The following GABRG3 variants were observed in gnomAD, a reference collection of about 807,000 sequenced individuals.
The protein encoded by GABRG3 is gamma-aminobutyric acid receptor subunit gamma-3.
In GABRG3, 25 loss-of-function variants were observed where a neutral mutation model predicts 48.8. The ratio of observed to expected loss-of-function variants is 0.51; its 90% CI spans 0.37 to 0.72. The LOEUF (loss-of-function observed/expected upper bound fraction) is 0.72. Ranked by LOEUF, GABRG3 falls within the 30% of genes least tolerant of loss-of-function variation. GABRG3 has a pLI of 0.00. For missense variants in GABRG3, 394 were observed against 577.9 expected (o/e 0.68, Z 3.26); for synonymous variants, 227 against 217.6 (o/e 1.04, Z -0.38).
chr15:27,392,452 G>A (rs544213474), intron 5 of GABRG3, among the ~76,000 whole-genome samples: 10 of 152,258 alleles, frequency 6.6e-5, no homozygotes, highest in East Asian at 1.9e-4. Context: ...GGGGTTATGC[G>A]TTTTTGAGAG....
rs944236893 is a variant in GABRG3 at position 27,375,717 on chromosome 15, A to G, written c.574+46829A>G. ...TGTGAGACTTATTCATGAGAACAGC[A>G]TGGGAAAGATCTGCCCCCATGATTC... On this transcript the variant is annotated intron_variant, in intron 5 of 9. Coordinates refer to ENST00000615808, the MANE Select transcript of GABRG3 (RefSeq NM_033223.5). Among the ~76,000 whole-genome samples, 3 of 152,158 alleles carry G rather than the reference A, an allele frequency of 2.0e-5. No individual in the cohort carries two copies. The East Asian group carries it at 5.8e-4, about 29-fold the overall frequency.
intron 3 of GABRG3, among the ~76,000 whole-genome samples, chr15:27,239,381 A>G (rs573051132): frequency 1.9e-4 from 29 of 152,278 alleles, no homozygotes; most frequent in Admixed American, 1.6e-3. Context: ...TAGTGATTCT[A>G]TTTTGATTCT....
At chr15:27,512,917 CAAAG>C (rs553667677) in intron 6 of GABRG3, among the ~76,000 whole-genome samples, 7 of 152,068 alleles carry the variant, frequency 4.6e-5, no homozygotes, top group Admixed American at 1.3e-4. Context: ...GCAGAGATTC[CAAAG>C]AAAGACAAAA....
chr15:27,185,650 GC>G (rs1452281093), intron 3 of GABRG3, among the ~76,000 whole-genome samples: 2 of 152,044 alleles, frequency 1.3e-5, no homozygotes, highest in African/African-American at 4.8e-5. Context: ...CTCAATGATA[GC>G]TATAAATTTG....
Position 27,520,343 on chromosome 15 carries a change from T to G in GABRG3, c.865+219T>G, listed in dbSNP as rs138711497. The stretch of plus-strand genomic sequence containing the variant: ...ACTTAAATCAAGACGGCGTAGGAGA[T>G]TCACAGTAAATCCATTGTGATAGTA... On this transcript the variant is annotated intron_variant, in intron 7 of 9. Transcript: ENST00000615808. Among the ~76,000 whole-genome samples the G allele has an allele frequency of 5.5e-3, 837 of 152,104 alleles. 9 individuals carry two copies. Among genetic ancestry groups the G allele is most frequent in the African/African-American group, 0.019 (802 of 41,490 alleles).
intron 3 of GABRG3, among the ~76,000 whole-genome samples, chr15:27,114,254 G>C (rs1897604326): frequency 6.6e-6 from 1 of 152,168 alleles, no homozygotes; most frequent in Non-Finnish European, 1.5e-5. Context: ...CTGCTTTCCA[G>C]ATCCCCTGGG....
At chr15:27,147,846 G>T (rs1898237999) in intron 3 of GABRG3, among the ~76,000 whole-genome samples, 1 of 151,862 alleles carries the variant, frequency 6.6e-6, no homozygotes, top group African/African-American at 2.4e-5. Context: ...ATAGATAGCT[G>T]CAGTTGACTA....
intron 3 of GABRG3, among the ~76,000 whole-genome samples, chr15:27,072,170 C>T (rs761389453): frequency 6.3e-4 from 96 of 152,182 alleles, no homozygotes; most frequent in Non-Finnish European, 1.0e-3. Flanking sequence ...TGCCAGCTCT[C>T]CTTGTGAGTC....
At position 27,539,830 on chromosome 15, in the gene GABRG3, A is replaced by T. The variant is rs1472378547; in HGVS notation, c.*6949A>T. 6.6e-6 allele frequency: 1 copy of T among 152,228 alleles called. No individual in the cohort carries two copies. The highest frequency in any genetic ancestry group is 1.9e-4 in the East Asian group (1 of 5,186). 9.4% of individuals were successfully genotyped at this position (152,228 alleles called of 1,614,324 possible). A position where few individuals can be genotyped will look rare whatever the true frequency, so the allele number is the denominator to read the frequency against. The stretch of plus-strand genomic sequence containing the variant: ...AAAAAAGAAAAAATGTTGCATTCTT[A>T]AGCAATTAAAGACTCCTTCCAATGT... On this transcript the variant is annotated 3_prime_UTR_variant, in exon 10 of 10. Coordinates refer to ENST00000615808, the MANE Select transcript of GABRG3 (RefSeq NM_033223.5).
In GABRG3 at chr15:27,012,647, C is replaced by G. The variant is rs908569097; in HGVS notation, c.203-14107C>G. ...AGTGAATCACCATATCCAAGGTAGA[C>G]TCTTCTTTCCCACACCATAGTCAAT... On this transcript the variant is annotated intron_variant, in intron 2 of 9. Coordinates refer to ENST00000615808, the MANE Select transcript of GABRG3 (RefSeq NM_033223.5). 3.9e-5 allele frequency among the ~76,000 whole-genome samples: 6 copies of G among 152,168 alleles called. No homozygotes were observed. The East Asian group carries it at 9.6e-4, about 24-fold the overall frequency.
chr15:27,072,243 A>G (rs1241920082), intron 3 of GABRG3, among the ~76,000 whole-genome samples: 1 of 152,166 alleles, frequency 6.6e-6, no homozygotes. Flanking sequence ...CATATTACGA[A>G]TGGAATTTCT....
At chr15:27,129,599 G>A (rs1036514529) in intron 3 of GABRG3, among the ~76,000 whole-genome samples, 2 of 152,082 alleles carry the variant, frequency 1.3e-5, no homozygotes, top group Admixed American at 6.6e-5. Flanking sequence ...ATATTTTTCT[G>A]AGGAACTCCC....
intron 3 of GABRG3, among the ~76,000 whole-genome samples, chr15:27,096,293 C>T (rs1472771837): frequency 2.0e-5 from 3 of 152,194 alleles, no homozygotes; most frequent in Non-Finnish European, 4.4e-5. Flanking sequence ...AAGTCTCTGC[C>T]CTTCAGGAGC....
intron 3 of GABRG3, among the ~76,000 whole-genome samples, chr15:27,160,602 C>G (rs1236314029): frequency 3.3e-5 from 5 of 151,668 alleles, no homozygotes; most frequent in African/African-American, 1.2e-4. Context: ...AAGGATCTTT[C>G]TAATACTTAG....
intron 3 of GABRG3, among the ~76,000 whole-genome samples, chr15:27,132,173 G>A (rs1479129398): frequency 6.6e-6 from 1 of 151,896 alleles, no homozygotes; most frequent in Non-Finnish European, 1.5e-5. Context: ...TTTATTGCCT[G>A]TGCTTCTGAA....
intron 2 of GABRG3, among the ~76,000 whole-genome samples, chr15:27,005,961 GA>G (rs1895576061): frequency 6.6e-6 from 1 of 152,176 alleles, no homozygotes; most frequent in South Asian, 2.1e-4. Context: ...GCATCAGAGT[GA>G]CCATCTCAAA....
At chr15:27,043,832 G>T (rs568488405) in intron 3 of GABRG3, among the ~76,000 whole-genome samples, 1 of 152,324 alleles carries the variant, frequency 6.6e-6, no homozygotes, top group Admixed American at 6.5e-5. Flanking sequence ...CCGCTTCAGG[G>T]TCCCTCCCAG....
intron 5 of GABRG3, among the ~76,000 whole-genome samples, chr15:27,473,429 C>T (rs1211244969): frequency 6.6e-6 from 1 of 152,134 alleles, no homozygotes; most frequent in Non-Finnish European, 1.5e-5. Flanking sequence ...AGTGTGTTGA[C>T]TAAGACTGAA....
rs76197204 is a variant in GABRG3 at position 27,296,831 on chromosome 15, A to G, written c.271-29978A>G. ...TTACTATACTTTTTATCTTTTTTGTAAAATGTACTCCTTCTACTTTTTTTT... is the reference window on the plus strand; with the variant it reads ...TTACTATACTTTTTATCTTTTTTGTGAAATGTACTCCTTCTACTTTTTTTT... On this transcript the variant is annotated intron_variant, in intron 3 of 9. Transcript: ENST00000615808. Among the ~76,000 whole-genome samples the G allele has an allele frequency of 1.8e-4, 26 of 147,934 alleles. No individual in the cohort carries two copies. The East Asian group carries it at 4.5e-3, about 25-fold the overall frequency.
Sources: allele counts gnomAD v4.1 joint callset (sites outside exome capture counted in the v4.1 genomes callset), GRCh38; gene constraint gnomAD v4.1.1; transcripts MANE v1.5; gene names NCBI Gene and HGNC (gene_info 2026-07-23, HGNC 2026-07-21).